Variants in PHF21B observed in about 807,000 individuals in gnomAD.
PHF21B encodes the protein PHD finger protein 21B.
A neutral mutation model predicts 62.2 loss-of-function variants in PHF21B; 22 were observed. The observed-to-expected ratio is 0.35, with a 90% CI of 0.25 to 0.51. The LOEUF (loss-of-function observed/expected upper bound fraction) is 0.51, where lower values mean the gene tolerates loss of function less well. PHF21B is among the 20% of genes least tolerant of loss of function. The pLI is 0.97. For synonymous variants in PHF21B, 341 were observed against 314.7 expected (o/e 1.08, Z -0.88); for missense variants, 701 against 707.9 (o/e 0.99, Z 0.11).
At chr22:44,974,892 C>T (rs1405425280) in intron 2 of PHF21B, among the ~76,000 whole-genome samples, 1 of 152,214 alleles carries the variant, frequency 6.6e-6, no homozygotes, top group Non-Finnish European at 1.5e-5. Flanking sequence ...ATTAATACCA[C>T]TCAGTACCCA....
chr22:44,966,951 G>C (rs2147436357), intron 2 of PHF21B: 1 of 152,224 alleles, frequency 6.6e-6, no homozygotes, highest in South Asian at 2.1e-4. Flanking sequence ...ATCTCCCCCA[G>C]AGCCCATTGG....
At chr22:44,946,979 A>C (rs2147379489) in intron 2 of PHF21B, among the ~76,000 whole-genome samples, 1 of 152,340 alleles carries the variant, frequency 6.6e-6, no homozygotes, top group South Asian at 2.1e-4. Flanking sequence ...GCTCCGTTTA[A>C]GGGGGCTGCG....
chr22:44,927,108 C>T (rs1465379052), intron 2 of PHF21B, among the ~76,000 whole-genome samples: 3 of 151,892 alleles, frequency 2.0e-5, no homozygotes, highest in East Asian at 1.9e-4. Context: ...AGGAGAGGGA[C>T]GGATGGAGGC....
At chr22:44,893,381 C>T in intron 7 of PHF21B, 76 bp downstream of exon 7, 1 of 1,411,006 alleles carries the variant, frequency 7.1e-7, no homozygotes, top group South Asian at 1.2e-5. Flanking sequence ...ATGAGGGAGG[C>T]CCTGGGACTT....
rs573752318 is a variant in PHF21B, at chr22:44,905,664, G to A, written c.831+8158C>T. On this transcript the variant is annotated intron_variant, in intron 5 of 12. Coordinates refer to ENST00000313237, the MANE Select transcript of PHF21B (RefSeq NM_138415.5). The stretch of plus-strand genomic sequence containing the variant: ...GTTTTTTTGATACGGAATCTCGCTC[G>A]GTCACCCAGGCTGTAGTGCAGTGGC... 4.6e-5 allele frequency among the ~76,000 whole-genome samples: 7 copies of A among 151,656 alleles called. No individual in the cohort carries two copies. The South Asian group carries it at 8.4e-4, about 18-fold the overall frequency.
At chr22:44,889,893 A>G in intron 8 of PHF21B, 111 bp from the exon 9 acceptor site, 3 of 1,186,398 alleles carry the variant, frequency 2.5e-6, no homozygotes, top group South Asian at 1.9e-5. Flanking sequence ...CCAGGGCATG[A>G]TGGGAGCATC....
chr22:44,962,558 T>C (rs143456577), intron 2 of PHF21B, among the ~76,000 whole-genome samples: 7 of 152,306 alleles, frequency 4.6e-5, no homozygotes, highest in Admixed American at 2.0e-4. Context: ...ACTGAACGTG[T>C]ATTGCTTTTG....
chr22:45,008,830 G>A (rs1251763026), intron 1 of PHF21B: 1 of 1,183,592 alleles, frequency 8.4e-7, no homozygotes, highest in Admixed American at 4.6e-5. Flanking sequence ...CTCGCGGGGC[G>A]GGGCGGGGGC....
intron 2 of PHF21B, among the ~76,000 whole-genome samples, chr22:44,991,658 C>G (rs960091943): frequency 1.3e-5 from 2 of 152,202 alleles, no homozygotes; most frequent in African/African-American, 4.8e-5. Context: ...GGGTGGTCAC[C>G]CTGTGCCCAG....
intron 2 of PHF21B, among the ~76,000 whole-genome samples, chr22:44,950,885 G>A (rs1458836621): frequency 6.6e-5 from 10 of 151,212 alleles, no homozygotes; most frequent in Non-Finnish European, 1.5e-4. Flanking sequence ...TTCTGGCTAG[G>A]GTTAGCCGGT....
At chr22:44,899,879 T>G (rs2147270793) in intron 5 of PHF21B, among the ~76,000 whole-genome samples, 1 of 152,340 alleles carries the variant, frequency 6.6e-6, no homozygotes, top group South Asian at 2.1e-4. Context: ...TGTCTGCAGC[T>G]TTTTCAGCAA....
At chr22:44,977,215 G>T (rs1367863062) in intron 2 of PHF21B, among the ~76,000 whole-genome samples, 1 of 150,424 alleles carries the variant, frequency 6.6e-6, no homozygotes, top group Non-Finnish European at 1.5e-5. Flanking sequence ...CTACTATTTT[G>T]TATTTTTCAT....
In PHF21B at chr22:45,008,566, G is replaced by T; in HGVS notation, c.99C>A (p.Ile33=). The T allele has an allele frequency of 6.3e-7, 1 of 1,587,944 alleles. No individual in the cohort carries two copies. ...TTACTTGTTTGTCGCTGAGCGCGGCGATCCGCGGCTGCCTTTCGTGGAGCT... is the reference window on the plus strand; with the variant it reads ...TTACTTGTTTGTCGCTGAGCGCGGCTATCCGCGGCTGCCTTTCGTGGAGCT... The part of the protein sequence containing the change: ...KKQLHERQPR[I]AALSDKQALG... The change falls in exon 2 of 13, where the codon ATC becomes ATA. Residue 33 remains isoleucine, a synonymous_variant. Coordinates refer to ENST00000313237, the MANE Select transcript of PHF21B (RefSeq NM_138415.5).
At chr22:44,930,931 G>A (rs2071729452) in intron 2 of PHF21B, among the ~76,000 whole-genome samples, 1 of 152,218 alleles carries the variant, frequency 6.6e-6, no homozygotes, top group African/African-American at 2.4e-5. Flanking sequence ...CTCCCAGGGT[G>A]CTGGTGACAG....
chr22:44,902,029 C>A, intron 5 of PHF21B: 2 of 230,060 alleles, frequency 8.7e-6, no homozygotes, highest in Non-Finnish European at 9.2e-6. Flanking sequence ...TTCTGATCAT[C>A]CTCACTGGAC....
In PHF21B at chr22:44,946,298, C is replaced by G. The variant is rs1014064264; in HGVS notation, c.121-25808G>C. Among the ~76,000 whole-genome samples the G allele has an allele frequency of 2.0e-5, 3 of 152,206 alleles. No homozygotes were observed. In the East Asian group the frequency reaches 5.8e-4, roughly 29 times the overall value. ...AGAAGCTTCCCCTGACACCCCCAAA[C>G]GAGGCCAGATACCCCAATTCTGCCC... On this transcript the variant is annotated intron_variant, in intron 2 of 12. Transcript: ENST00000313237.
In PHF21B at chr22:44,885,926, C is replaced by T; in HGVS notation, c.1210G>A (p.Asp404Asn). 1 of 1,614,086 alleles carries T rather than the reference C, an allele frequency of 6.2e-7. No individual in the cohort carries two copies. The highest frequency in any genetic ancestry group is 8.5e-7 in the Non-Finnish European group (1 of 1,179,994). ...ATCCCAGTCCAGGGCACACCCTCGT[C>T]TTTCTTTAAGGCCTGGGGAGCAGAC... is the stretch of plus-strand genomic sequence containing the variant. ...PRCQQKALKK[D>N]EGVPWTGMLA... The change falls in exon 11 of 13, where the codon GAC (aspartate) becomes AAC (asparagine). Residue 404 changes from aspartate to asparagine, a missense_variant. Asp to Asn is a conservative substitution (Grantham distance 23). Transcript: ENST00000313237.
intron 2 of PHF21B, among the ~76,000 whole-genome samples, chr22:44,931,059 T>C (rs2071731829): frequency 6.6e-6 from 1 of 152,208 alleles, no homozygotes; most frequent in South Asian, 2.1e-4. Context: ...AGTCATTTTC[T>C]TTCTTTCTTT....
chr22:44,982,476 G>A (rs2072860886), intron 2 of PHF21B, among the ~76,000 whole-genome samples: 1 of 152,186 alleles, frequency 6.6e-6, no homozygotes, highest in Admixed American at 6.5e-5. Flanking sequence ...GAGGGCACAG[G>A]CCAGCCAGCC....
Sources: allele counts gnomAD v4.1 joint callset (sites outside exome capture counted in the v4.1 genomes callset), GRCh38; gene constraint gnomAD v4.1.1; transcripts MANE v1.5; gene names NCBI Gene and HGNC (gene_info 2026-07-23, HGNC 2026-07-21).